MFSD8: variants seen among roughly 807,000 people sequenced by gnomAD.
The protein encoded by MFSD8 is major facilitator superfamily domain containing 8.
MFSD8 carries 55 observed loss-of-function variants against 66.4 expected under a neutral mutation model. The observed-to-expected ratio is 0.83, with a 90% CI of 0.67 to 1.04. The LOEUF is 1.04. Among genes scored for constraint, MFSD8 ranks in the 50% least tolerant of loss-of-function variants. The pLI is 0.00. For synonymous variants in MFSD8, 202 were observed against 212.8 expected, an observed-to-expected ratio of 0.95 and a Z score of 0.44; for missense variants, 550 against 627.6, an observed-to-expected ratio of 0.88 and a Z score of 1.32.
chr4:127,964,892 G>A (rs1744754690), intron 1 of MFSD8, 180 bp downstream of exon 1: 1 of 733,500 alleles, frequency 1.4e-6, no homozygotes, highest in South Asian at 1.7e-5. Flanking sequence ...GGTGCGGCCA[G>A]ACGCCCTTTC....
intron 5 of MFSD8, 146 bp downstream of exon 5, chr4:127,941,899 T>C (rs1740255162): frequency 4.5e-6 from 3 of 668,786 alleles, no homozygotes; most frequent in Non-Finnish European, 5.4e-6. Flanking sequence ...AAAATGAGTG[T>C]AGCCTCATTC....
At chr4:127,961,137 G>A (rs911578473) in intron 1 of MFSD8, among the ~76,000 whole-genome samples, 2 of 152,176 alleles carry the variant, frequency 1.3e-5, no homozygotes, top group Non-Finnish European at 2.9e-5. Flanking sequence ...CCTTGTTAGT[G>A]AGGAAAAGTT....
chr4:127,946,383 T>C (rs1420533142), intron 3 of MFSD8, among the ~76,000 whole-genome samples: 2 of 152,220 alleles, frequency 1.3e-5, no homozygotes, highest in African/African-American at 2.4e-5. Context: ...ATTAAGAATT[T>C]TGATACATGA....
rs114816154 is a variant in MFSD8 at position 127,939,122 on chromosome 4, A to G, written c.699-284T>C. ...AAGTTTTACAGTGATTATAAACATT[A>G]GTAATAAATGTTTTTAGACTATTGA... is the stretch of plus-strand genomic sequence containing the variant. On this transcript the variant is annotated intron_variant, in intron 6 of 11. Coordinates refer to ENST00000641686, the MANE Select transcript of MFSD8 (RefSeq NM_001371596.2). 3,002 of 233,918 alleles carry G rather than the reference A, an allele frequency of 0.013. 38 individuals carry two copies. Among genetic ancestry groups the G allele is most frequent in the Middle Eastern group, 0.021 (14 of 652 alleles). The allele number at this position is 233,918 out of a possible 1,614,324, so 14.5% of individuals were successfully genotyped here.
At chr4:127,954,347 G>A (rs944847354) in intron 2 of MFSD8, among the ~76,000 whole-genome samples, 2 of 152,104 alleles carry the variant, frequency 1.3e-5, no homozygotes, top group African/African-American at 2.4e-5. Flanking sequence ...CCAGGTGTGG[G>A]GCTCATGCCT....
intron 7 of MFSD8, 137 bp from the exon 8 acceptor site, chr4:127,933,230 A>C (rs976791619): frequency 1.5e-6 from 1 of 665,400 alleles, no homozygotes; most frequent in Non-Finnish European, 2.6e-6. Flanking sequence ...AAAGTAGTTT[A>C]ATAATAAGAG....
chr4:127,940,540 G>GTA (rs1740008585), intron 5 of MFSD8, among the ~76,000 whole-genome samples: 1 of 89,292 alleles, frequency 1.1e-5, no homozygotes, highest in South Asian at 3.8e-4. Context: ...ATATATATAT[G>GTA]TGTGTGTGTG....
intron 9 of MFSD8, among the ~76,000 whole-genome samples, chr4:127,928,163 T>G (rs1364935294): frequency 6.6e-6 from 1 of 152,224 alleles, no homozygotes; most frequent in East Asian, 1.9e-4. Flanking sequence ...GCGATTCTCT[T>G]GCCTTAGCCT....
At position 127,933,124 on chromosome 4, in the gene MFSD8, C is replaced by T. The variant is rs1210049527; in HGVS notation, c.755-31G>A. 5.3e-6 allele frequency: 8 copies of T among 1,500,954 alleles called. No homozygotes were observed. In the South Asian group the frequency reaches 6.8e-5, roughly 13 times the overall value. 93.0% of individuals were successfully genotyped at this position (1,500,954 alleles called of 1,614,324 possible). A position where few individuals can be genotyped will look rare whatever the true frequency, so the allele number is the denominator to read the frequency against. On this transcript the variant is annotated intron_variant, in intron 7 of 11. Transcript: ENST00000641686. ...GGGAAATAGGAGAAAAATTACATTACCTATACATCTAATTTTTCTTATGAC... is the reference window on the plus strand; with the variant it reads ...GGGAAATAGGAGAAAAATTACATTATCTATACATCTAATTTTTCTTATGAC...
At chr4:127,942,230 A>C in intron 4 of MFSD8, 72 bp from the exon 5 acceptor site, 1 of 1,193,860 alleles carries the variant, frequency 8.4e-7, no homozygotes, top group Non-Finnish European at 1.2e-6. Context: ...ATCCAATTTG[A>C]CTTTATACAG....
At chr4:127,961,081 G>C (rs972472033) in intron 1 of MFSD8, among the ~76,000 whole-genome samples, 3 of 152,094 alleles carry the variant, frequency 2.0e-5, no homozygotes, top group Non-Finnish European at 4.4e-5. Context: ...GGGGAGCACT[G>C]AGGATTCAAG....
At chr4:127,941,936 C>T (rs1740260170) in intron 5 of MFSD8, 109 bp downstream of exon 5, 5 of 876,346 alleles carry the variant, frequency 5.7e-6, no homozygotes, top group South Asian at 4.2e-5. Context: ...ATTAGCTTTC[C>T]TCCCTTTCCC....
At chr4:127,947,518 C>T (rs554248493) in intron 3 of MFSD8, among the ~76,000 whole-genome samples, 1 of 147,950 alleles carries the variant, frequency 6.8e-6, no homozygotes, top group Non-Finnish European at 1.5e-5. Context: ...GCAGAGATTG[C>T]AGCGCACCAA....
intron 9 of MFSD8, among the ~76,000 whole-genome samples, chr4:127,922,380 T>G (rs1736463070): frequency 6.6e-6 from 1 of 152,146 alleles, no homozygotes; most frequent in Admixed American, 6.5e-5. Flanking sequence ...CCCCAGTACT[T>G]TGGGAGGCCA....
intron 9 of MFSD8, among the ~76,000 whole-genome samples, chr4:127,929,322 CAAAAAAAAAA>C (rs543453360): frequency 4.3e-4 from 13 of 30,362 alleles, no homozygotes; most frequent in East Asian, 9.3e-4. Flanking sequence ...GACTCCGTCA[CAAAAAAAAAA>C]AAAAAAAAAA....
intron 9 of MFSD8, among the ~76,000 whole-genome samples, chr4:127,929,314 C>A (rs1263394369): frequency 1.1e-5 from 1 of 90,748 alleles, no homozygotes; most frequent in Non-Finnish European, 1.8e-5. Context: ...CAGAGCGAGA[C>A]TCCGTCACAA....
chr4:127,961,210 T>C (rs1003414201), intron 1 of MFSD8, among the ~76,000 whole-genome samples: 1 of 152,132 alleles, frequency 6.6e-6, no homozygotes, highest in African/African-American at 2.4e-5. Context: ...CAACTAGTTG[T>C]ACATAGGTTC....
At chr4:127,943,716 A>C in intron 4 of MFSD8, 36 bp downstream of exon 4, 1 of 1,613,654 alleles carries the variant, frequency 6.2e-7, no homozygotes, top group Non-Finnish European at 8.5e-7. Context: ...AATGAATGTG[A>C]ATATGACACA....
intron 9 of MFSD8, among the ~76,000 whole-genome samples, chr4:127,925,721 C>G (rs989364241): frequency 6.6e-6 from 1 of 152,176 alleles, no homozygotes; most frequent in Non-Finnish European, 1.5e-5. Context: ...CCATTTGACC[C>G]AGCAATCCCA....
Sources: allele counts gnomAD v4.1 joint callset (sites outside exome capture counted in the v4.1 genomes callset), GRCh38; gene constraint gnomAD v4.1.1; transcripts MANE v1.5; gene names NCBI Gene and HGNC (gene_info 2026-07-23, HGNC 2026-07-21).